The following KCNJ12 variants were observed in gnomAD, a reference collection of about 807,000 sequenced individuals.
The protein encoded by KCNJ12 is potassium inwardly rectifying channel subfamily J member 12, also known as ATP-sensitive inward rectifier potassium channel 12.
Under a neutral mutation model 22.3 loss-of-function variants are expected in KCNJ12, and 2 were observed. That is an observed-to-expected ratio of 0.09 (90% CI 0.04 to 0.28). KCNJ12 has a LOEUF of 0.28. KCNJ12 is among the 10% of genes least tolerant of loss of function. The probability of loss-of-function intolerance (pLI) is 1.00; values close to 1 mark genes in which losing one functional copy is unlikely to be tolerated. For missense variants in KCNJ12, 155 were observed against 633.3 expected (o/e 0.24, Z 8.11); for synonymous variants, 117 against 261.4 (o/e 0.45, Z 5.33).
chr17:21,381,212 C>A (rs1555557893), intron 1 of KCNJ12, among the ~76,000 whole-genome samples: 1 of 152,142 alleles, frequency 6.6e-6, no homozygotes, highest in Non-Finnish European at 1.5e-5. Flanking sequence ...CCTGCTTGGG[C>A]AGCCAAAGCC....
chr17:21,384,012 C>G (rs936882741), intron 1 of KCNJ12, among the ~76,000 whole-genome samples: 1 of 152,210 alleles, frequency 6.6e-6, no homozygotes, highest in Non-Finnish European at 1.5e-5. Flanking sequence ...CTGCCTCCCC[C>G]ACCCCCAGAG....
In KCNJ12 at chr17:21,381,876, C is replaced by T. The variant is rs117089397; in HGVS notation, c.-179+4963C>T. 8.2e-4 allele frequency among the ~76,000 whole-genome samples: 125 copies of T among 152,340 alleles called. 1 individual carries two copies. The East Asian group carries it at 0.02, about 24-fold the overall frequency. On this transcript the variant is annotated intron_variant, in intron 1 of 2. Coordinates refer to ENST00000583088, the MANE Select transcript of KCNJ12 (RefSeq NM_021012.5). ...TAAGCGGTAGGCAGGAGATGGCAGG[C>T]GCCCAGTAAACACAGAGAGTGAATG...
chr17:21,391,942 C>T (rs1278494438), intron 1 of KCNJ12, among the ~76,000 whole-genome samples: 1 of 152,228 alleles, frequency 6.6e-6, no homozygotes, highest in African/African-American at 2.4e-5. Context: ...AGCTGTGGGG[C>T]GTTGCATGGC....
chr17:21,419,087 A>G lies in KCNJ12; in HGVS notation c.*2443A>G, dbSNP rs1555563363. On this transcript the variant is annotated 3_prime_UTR_variant, in exon 3 of 3. Transcript: ENST00000583088. ...TATTTATTTATTTATTGCTTGTGCTAAAGACCAAAATAGTCTCCCTCTTTA... is the reference window on the plus strand; with the variant it reads ...TATTTATTTATTTATTGCTTGTGCTGAAGACCAAAATAGTCTCCCTCTTTA... The G allele has an allele frequency of 3.6e-5, 6 of 166,956 alleles. No homozygotes were observed. The highest frequency in any genetic ancestry group is 1.2e-4 in the African/African-American group (5 of 41,418). The allele number at this position is 166,956 out of a possible 1,614,324, so 10.3% of individuals were successfully genotyped here.
At chr17:21,405,828 C>T (rs1905895229) in intron 1 of KCNJ12, among the ~76,000 whole-genome samples, 1 of 152,420 alleles carries the variant, frequency 6.6e-6, no homozygotes, top group East Asian at 1.9e-4. Flanking sequence ...ATGTGGAAGG[C>T]TGGCTCCTGT....
intron 1 of KCNJ12, among the ~76,000 whole-genome samples, chr17:21,394,358 C>T (rs782777004): frequency 2.6e-5 from 4 of 152,244 alleles, no homozygotes; most frequent in Non-Finnish European, 5.9e-5. Context: ...CTAGGAGCAA[C>T]AGGCTCCATC....
intron 1 of KCNJ12, among the ~76,000 whole-genome samples, chr17:21,398,058 C>T (rs140919125): frequency 1.3e-5 from 2 of 152,126 alleles, no homozygotes; most frequent in Non-Finnish European, 2.9e-5. Flanking sequence ...ACTGCCAGGG[C>T]TGGGTGAGGG....
intron 1 of KCNJ12, among the ~76,000 whole-genome samples, chr17:21,397,170 A>G (rs1343729252): frequency 6.6e-6 from 1 of 152,172 alleles, no homozygotes; most frequent in African/African-American, 2.4e-5. Flanking sequence ...CTTGGGTAAG[A>G]AACTTCATTT....
intron 1 of KCNJ12, among the ~76,000 whole-genome samples, chr17:21,389,749 C>T (rs1165943272): frequency 6.6e-6 from 1 of 152,146 alleles, no homozygotes; most frequent in African/African-American, 2.4e-5. Context: ...CTGTGTCCCC[C>T]AGCACCAGTG....
chr17:21,381,352 T>C (rs1904861125), intron 1 of KCNJ12, among the ~76,000 whole-genome samples: 1 of 152,132 alleles, frequency 6.6e-6, no homozygotes. Context: ...CATTGTTCCT[T>C]GAGCACTTTC....
At chr17:21,402,527 G>A (rs1905681102) in intron 1 of KCNJ12, among the ~76,000 whole-genome samples, 3 of 152,310 alleles carry the variant, frequency 2.0e-5, no homozygotes, top group Non-Finnish European at 2.9e-5. Context: ...GCCTGGGGCA[G>A]AGCGATAGGC....
chr17:21,398,787 A>T (rs979255935), intron 1 of KCNJ12, among the ~76,000 whole-genome samples: 10 of 152,372 alleles, frequency 6.6e-5, no homozygotes, highest in Non-Finnish European at 1.0e-4. Context: ...TTGCCAGCAA[A>T]GATGCGTTTA....
chr17:21,414,641 C>T (rs1906582678), intron 2 of KCNJ12, among the ~76,000 whole-genome samples: 1 of 152,276 alleles, frequency 6.6e-6, no homozygotes, highest in African/African-American at 2.4e-5. Flanking sequence ...AGGGATGGGA[C>T]ATGGGTCTTC....
At chr17:21,407,697 A>T (rs1906043420) in intron 1 of KCNJ12, among the ~76,000 whole-genome samples, 1 of 151,652 alleles carries the variant, frequency 6.6e-6, no homozygotes, top group East Asian at 1.9e-4. Flanking sequence ...CCATCCATCC[A>T]ATCATCTACT....
At chr17:21,402,980 C>G (rs1905714354) in intron 1 of KCNJ12, among the ~76,000 whole-genome samples, 2 of 152,422 alleles carry the variant, frequency 1.3e-5, no homozygotes, top group South Asian at 4.1e-4. Flanking sequence ...CTCAAAGAAG[C>G]TTGGGCCACC....
At chr17:21,389,550 T>G (rs986377370) in intron 1 of KCNJ12, among the ~76,000 whole-genome samples, 2 of 152,182 alleles carry the variant, frequency 1.3e-5, no homozygotes, top group Non-Finnish European at 2.9e-5. Context: ...AATGACTTAC[T>G]TACCCACTCA....
chr17:21,377,371 G>A (rs996666063), intron 1 of KCNJ12, among the ~76,000 whole-genome samples: 5 of 152,214 alleles, frequency 3.3e-5, no homozygotes, highest in African/African-American at 9.6e-5. Flanking sequence ...GCCGCCCCGA[G>A]AATGCCTCCC....
At chr17:21,377,871 C>T (rs1904721566) in intron 1 of KCNJ12, among the ~76,000 whole-genome samples, 1 of 152,234 alleles carries the variant, frequency 6.6e-6, no homozygotes, top group Non-Finnish European at 1.5e-5. Context: ...ACCTCCCCCT[C>T]CCCATTTCCC....
At chr17:21,386,560 T>A (rs1023571137) in intron 1 of KCNJ12, among the ~76,000 whole-genome samples, 2 of 152,120 alleles carry the variant, frequency 1.3e-5, no homozygotes, top group East Asian at 3.8e-4. Context: ...CAGGCTGGAG[T>A]GCAGTGGCGT....
Sources: gnomAD v4.1 joint callset for allele counts (sites outside exome capture counted in the v4.1 genomes callset) on GRCh38, gnomAD v4.1.1 for gene constraint, MANE v1.5 for transcripts, NCBI Gene and HGNC (gene_info 2026-07-23, HGNC 2026-07-21) for gene names.